Variants in LRRTM4 observed in about 807,000 individuals in gnomAD.
LRRTM4 encodes leucine-rich repeat transmembrane neuronal protein 4.
A neutral mutation model predicts 47.6 loss-of-function variants in LRRTM4; 25 were observed. That is an observed-to-expected ratio of 0.53 (90% confidence interval 0.38 to 0.73). LRRTM4 has a LOEUF of 0.73. LRRTM4 is among the 30% of genes least tolerant of loss of function. The pLI, the probability that LRRTM4 is intolerant of heterozygous loss-of-function variation, is 0.00. For missense variants in LRRTM4, 638 were observed against 713.4 expected, an observed-to-expected ratio of 0.89 and a Z score of 1.20; for synonymous variants, 311 against 269.5, an observed-to-expected ratio of 1.15 and a Z score of -1.51.
intron 3 of LRRTM4, among the ~76,000 whole-genome samples, chr2:77,347,858 T>C (rs1433695002): frequency 2.6e-5 from 4 of 152,058 alleles, no homozygotes; most frequent in Admixed American, 6.6e-5. Context: ...TATATCTGTA[T>C]CTACATCATC....
chr2:76,903,550 C>T (rs1285793159), intron 3 of LRRTM4, among the ~76,000 whole-genome samples: 1 of 147,042 alleles, frequency 6.8e-6, no homozygotes, highest in Non-Finnish European at 1.5e-5. Flanking sequence ...CAAAACAAAA[C>T]AAAAAAGAAG....
intron 3 of LRRTM4, among the ~76,000 whole-genome samples, chr2:77,499,997 A>T (rs1053939520): frequency 1.3e-5 from 2 of 151,948 alleles, no homozygotes; most frequent in African/African-American, 4.8e-5. Context: ...AAAGAAAAAA[A>T]AAGTGATACT....
chr2:77,215,460 G>A (rs1295975127), intron 3 of LRRTM4, among the ~76,000 whole-genome samples: 3 of 152,096 alleles, frequency 2.0e-5, no homozygotes, highest in African/African-American at 7.2e-5. Flanking sequence ...AAATGTCATG[G>A]GCTAATTAGG....
At chr2:77,009,084 C>T (rs1233494814) in intron 3 of LRRTM4, 1 of 151,988 alleles carries the variant, frequency 6.6e-6, no homozygotes, top group Non-Finnish European at 1.5e-5. Flanking sequence ...TGAGAGCACA[C>T]CATCATGAGA....
chr2:76,980,293 C>G (rs1156452873), intron 3 of LRRTM4, among the ~76,000 whole-genome samples: 1 of 152,042 alleles, frequency 6.6e-6, no homozygotes, highest in Non-Finnish European at 1.5e-5. Flanking sequence ...ACCACTATCT[C>G]TAGTTTCTGT....
intron 3 of LRRTM4, among the ~76,000 whole-genome samples, chr2:77,012,006 G>T (rs953583984): frequency 7.2e-5 from 11 of 152,068 alleles, no homozygotes; most frequent in Admixed American, 7.2e-4. Context: ...CCAGATGCCA[G>T]CATTTGAAGC....
intron 3 of LRRTM4, among the ~76,000 whole-genome samples, chr2:76,924,750 GAAT>G (rs1000641161): frequency 2.4e-4 from 37 of 151,866 alleles, no homozygotes; most frequent in East Asian, 1.9e-3. Flanking sequence ...CACCACATAG[GAAT>G]AATAAGACAC....
At chr2:76,935,345 G>T (rs1674908698) in intron 3 of LRRTM4, among the ~76,000 whole-genome samples, 1 of 152,196 alleles carries the variant, frequency 6.6e-6, no homozygotes, top group East Asian at 1.9e-4. Flanking sequence ...GCTCTTTTTG[G>T]TTTCATATGA....
chr2:76,811,639 T>A (rs1670737697), intron 3 of LRRTM4, among the ~76,000 whole-genome samples: 1 of 152,174 alleles, frequency 6.6e-6, no homozygotes, highest in South Asian at 2.1e-4. Flanking sequence ...AATGCAAGGG[T>A]TAGCATAAGA....
At chr2:77,198,527 G>T (rs1449262858) in intron 3 of LRRTM4, among the ~76,000 whole-genome samples, 1 of 152,140 alleles carries the variant, frequency 6.6e-6, no homozygotes, top group African/African-American at 2.4e-5. Context: ...TTAAAATTAA[G>T]ATTAATTGTG....
chr2:77,374,728 A>T (rs958162419), intron 3 of LRRTM4, among the ~76,000 whole-genome samples: 1 of 151,822 alleles, frequency 6.6e-6, no homozygotes, highest in Non-Finnish European at 1.5e-5. Context: ...ATCTGGTCTC[A>T]AAGATTTATC....
At chr2:77,504,640 A>G (rs866247106) in intron 3 of LRRTM4, among the ~76,000 whole-genome samples, 2 of 151,734 alleles carry the variant, frequency 1.3e-5, no homozygotes, top group Middle Eastern at 6.8e-3. Context: ...GGCATTTACA[A>G]TCTTAAGGAA....
intron 3 of LRRTM4, among the ~76,000 whole-genome samples, chr2:76,868,540 G>T (rs1672529937): frequency 1.3e-5 from 2 of 152,100 alleles, no homozygotes; most frequent in Admixed American, 6.6e-5. Flanking sequence ...ATTTAACGGG[G>T]CTATTTTAGG....
chr2:77,385,836 A>G (rs1673244798), intron 3 of LRRTM4, among the ~76,000 whole-genome samples: 1 of 138,560 alleles, frequency 7.2e-6, no homozygotes, highest in Non-Finnish European at 1.5e-5. Context: ...TAACCTCCGC[A>G]TCCTGGTTTC....
chr2:77,444,130 A>C (rs1277358316), intron 3 of LRRTM4, among the ~76,000 whole-genome samples: 1 of 152,132 alleles, frequency 6.6e-6, no homozygotes, highest in Non-Finnish European at 1.5e-5. Context: ...AGGAATTCTT[A>C]GGAAGATGAT....
At chr2:77,219,554 G>A (rs573037795) in intron 3 of LRRTM4, among the ~76,000 whole-genome samples, 2 of 152,266 alleles carry the variant, frequency 1.3e-5, no homozygotes, top group South Asian at 4.1e-4. Context: ...CTAAGAGGAG[G>A]CTGATATTTC....
intron 3 of LRRTM4, among the ~76,000 whole-genome samples, chr2:77,407,694 ATG>A (rs1674261841): frequency 2.4e-5 from 3 of 125,650 alleles, no homozygotes; most frequent in Non-Finnish European, 4.8e-5. Context: ...AATATAATAT[ATG>A]ATATATATAA....
intron 3 of LRRTM4, among the ~76,000 whole-genome samples, chr2:77,099,268 T>A (rs1480462096): frequency 6.6e-6 from 1 of 151,964 alleles, no homozygotes; most frequent in Non-Finnish European, 1.5e-5. Context: ...TTTTCATGAT[T>A]GTCTATTGTA....
At chr2:76,956,242 A>G (rs1675671327) in intron 3 of LRRTM4, among the ~76,000 whole-genome samples, 1 of 151,822 alleles carries the variant, frequency 6.6e-6, no homozygotes, top group Non-Finnish European at 1.5e-5. Flanking sequence ...CATAATGGCA[A>G]GTGTCTTCTC....
Sources: allele counts gnomAD v4.1 joint callset (sites outside exome capture counted in the v4.1 genomes callset), GRCh38; gene constraint gnomAD v4.1.1; transcripts MANE v1.5; gene names NCBI Gene and HGNC (gene_info 2026-07-23, HGNC 2026-07-21).